TBC1D2B: variants seen among roughly 807,000 people sequenced by gnomAD.
TBC1D2B encodes TBC1 domain family member 2B.
TBC1D2B carries 64 observed loss-of-function variants against 100.8 expected under a neutral mutation model. That is an observed-to-expected ratio of 0.64 (90% CI 0.52 to 0.78). The LOEUF (loss-of-function observed/expected upper bound fraction) is 0.78. TBC1D2B is among the 30% of genes least tolerant of loss of function. The pLI is 0.00. For missense variants in TBC1D2B, 1,052 were observed against 1,218.4 expected (o/e 0.86, Z 2.03); for synonymous variants, 480 against 479.7 (o/e 1.00, Z -0.01).
At chr15:78,002,869 T>TA (rs1419950775) in intron 11 of TBC1D2B, 1 of 164,088 alleles carries the variant, frequency 6.1e-6, no homozygotes, top group African/African-American at 2.4e-5. Flanking sequence ...AACTGATTTT[T>TA]AAAAAACATA....
chr15:78,050,711 C>T (rs186055008), intron 2 of TBC1D2B, among the ~76,000 whole-genome samples: 63 of 152,208 alleles, frequency 4.1e-4, no homozygotes, highest in South Asian at 1.5e-3. Context: ...GGGCAGGCTA[C>T]AAAATAGAGG....
chr15:78,038,629 C>T (rs2073004708), intron 3 of TBC1D2B, among the ~76,000 whole-genome samples: 1 of 152,226 alleles, frequency 6.6e-6, no homozygotes, highest in South Asian at 2.1e-4. Context: ...GTCCCTGCAA[C>T]AGGTGGACCC....
At chr15:78,062,638 T>A (rs1301035725) in intron 1 of TBC1D2B, among the ~76,000 whole-genome samples, 1 of 152,214 alleles carries the variant, frequency 6.6e-6, no homozygotes, top group Non-Finnish European at 1.5e-5. Flanking sequence ...CCCATAAATG[T>A]ATAGAAAATT....
chr15:78,075,549 C>G (rs942368356), intron 1 of TBC1D2B, among the ~76,000 whole-genome samples: 1 of 152,180 alleles, frequency 6.6e-6, no homozygotes, highest in African/African-American at 2.4e-5. Context: ...AAACACGATG[C>G]TCTATTTTCT....
Position 78,068,592 on chromosome 15 carries a change from C to T in TBC1D2B, c.360+8701G>A, listed in dbSNP as rs2073698758. Among the ~76,000 whole-genome samples the T allele has an allele frequency of 3.9e-5, 6 of 152,298 alleles. No individual in the cohort carries two copies. The South Asian group carries it at 1.2e-3, about 32-fold the overall frequency. On this transcript the variant is annotated intron_variant, in intron 1 of 12. Coordinates refer to ENST00000300584, the MANE Select transcript of TBC1D2B (RefSeq NM_144572.2). ...TCAAAGACTAGACCAGGAGCAAAACCATCCTGAATCTGTAGCCGACTGAGG... is the reference window on the plus strand; with the variant it reads ...TCAAAGACTAGACCAGGAGCAAAACTATCCTGAATCTGTAGCCGACTGAGG...
intron 1 of TBC1D2B, among the ~76,000 whole-genome samples, chr15:78,062,016 C>T (rs1316768997): frequency 6.6e-6 from 1 of 152,142 alleles, no homozygotes; most frequent in East Asian, 1.9e-4. Context: ...CACCATGATG[C>T]ACTAGACGAG....
chr15:78,077,704 G>T lies in TBC1D2B; in HGVS notation c.-52C>A. 3 of 984,828 alleles carry T rather than the reference G, an allele frequency of 3.0e-6. No homozygotes were observed. Among genetic ancestry groups the T allele is most frequent in the Non-Finnish European group, 3.6e-6 (3 of 829,842 alleles). The allele number at this position is 984,828 out of a possible 1,614,324, so 61.0% of individuals were successfully genotyped here. ...CCGCGCCCTGCGCCTCCGCGCCGCG[G>T]CCGCTGCGCCCCCTACCCCCTCCGC... On this transcript the variant is annotated 5_prime_UTR_variant, in exon 1 of 13. Coordinates refer to ENST00000300584, the MANE Select transcript of TBC1D2B (RefSeq NM_144572.2).
At chr15:78,010,860 T>C (rs1260881233) in intron 9 of TBC1D2B, among the ~76,000 whole-genome samples, 2 of 152,070 alleles carry the variant, frequency 1.3e-5, no homozygotes, top group African/African-American at 4.8e-5. Context: ...GTTTTAACGG[T>C]GGTGAGGGCG....
intron 6 of TBC1D2B, 102 bp from the exon 7 acceptor site, chr15:78,018,059 C>G: frequency 5.0e-6 from 3 of 596,220 alleles, no homozygotes; most frequent in Non-Finnish European, 8.5e-6. Context: ...ATCAAATAGC[C>G]CTGCTAAGTT....
intron 8 of TBC1D2B, among the ~76,000 whole-genome samples, chr15:78,013,639 TG>T (rs1303526810): frequency 6.6e-6 from 1 of 152,226 alleles, no homozygotes; most frequent in Non-Finnish European, 1.5e-5. Context: ...TTGATAAATT[TG>T]GCTACATTAA....
chr15:78,034,547 G>A, intron 3 of TBC1D2B: 1 of 985,422 alleles, frequency 1.0e-6, no homozygotes, highest in African/African-American at 1.7e-5. Flanking sequence ...AGAGAAATAA[G>A]AGCAGGGACA....
chr15:78,062,578 C>T (rs1343792775), intron 1 of TBC1D2B, among the ~76,000 whole-genome samples: 1 of 152,200 alleles, frequency 6.6e-6, no homozygotes, highest in Non-Finnish European at 1.5e-5. Flanking sequence ...ATAGCTGCAT[C>T]ACCAGAAATA....
intron 3 of TBC1D2B, among the ~76,000 whole-genome samples, chr15:78,039,115 G>A (rs2073014823): frequency 2.6e-5 from 4 of 152,210 alleles, no homozygotes; most frequent in Admixed American, 2.6e-4. Flanking sequence ...CTTAAAAAAT[G>A]TCTGTGTGAG....
chr15:78,020,480 T>C (rs1165730369), intron 6 of TBC1D2B, among the ~76,000 whole-genome samples: 6 of 152,236 alleles, frequency 3.9e-5, no homozygotes, highest in Non-Finnish European at 7.3e-5. Flanking sequence ...AGCCAGGCAC[T>C]GTGTGAGGGA....
chr15:78,067,914 T>C (rs140147740), intron 1 of TBC1D2B, among the ~76,000 whole-genome samples: 4 of 152,390 alleles, frequency 2.6e-5, no homozygotes, highest in African/African-American at 7.2e-5. Context: ...CCTTGTCCCA[T>C]CTTCTTCAGG....
intron 3 of TBC1D2B, among the ~76,000 whole-genome samples, chr15:78,031,574 A>AAG (rs1326793949): frequency 1.9e-4 from 28 of 147,588 alleles, no homozygotes; most frequent in African/African-American, 6.2e-4. Context: ...AAAAAAAAAA[A>AAG]AGAGAGAGAG....
chr15:78,056,417 G>A (rs186698280), intron 1 of TBC1D2B, among the ~76,000 whole-genome samples: 2 of 152,342 alleles, frequency 1.3e-5, no homozygotes, highest in East Asian at 3.9e-4. Context: ...AAATGGTGGT[G>A]AGGGAAAGGC....
intron 4 of TBC1D2B, 125 bp from the exon 5 acceptor site, chr15:78,025,622 G>T (rs2072645002): frequency 1.6e-6 from 1 of 633,924 alleles, no homozygotes; most frequent in South Asian, 2.6e-5. Context: ...CGCCTCCCAG[G>T]TTCATGCCAT....
intron 6 of TBC1D2B, among the ~76,000 whole-genome samples, chr15:78,021,987 A>T (rs377591360): frequency 2.4e-4 from 36 of 152,204 alleles, no homozygotes; most frequent in African/African-American, 8.2e-4. Context: ...CCCACTGCCA[A>T]GTGTCACGCA....
Sources: gnomAD v4.1 joint callset for allele counts (sites outside exome capture counted in the v4.1 genomes callset) on GRCh38, gnomAD v4.1.1 for gene constraint, MANE v1.5 for transcripts, NCBI Gene and HGNC (gene_info 2026-07-23, HGNC 2026-07-21) for gene names.